The following NKAIN1 variants were observed in gnomAD, a reference collection of about 807,000 sequenced individuals.
The protein encoded by NKAIN1 is sodium/potassium-transporting ATPase subunit beta-1-interacting protein 1.
Under a neutral mutation model 31.6 loss-of-function variants are expected in NKAIN1, and 13 were observed. That is an observed-to-expected ratio of 0.41 (90% confidence interval 0.27 to 0.65). The LOEUF is 0.65. Among genes scored for constraint, NKAIN1 ranks in the 30% least tolerant of loss-of-function variants. The pLI is 0.30. For missense variants in NKAIN1, 193 were observed against 262.2 expected, an observed-to-expected ratio of 0.74 and a Z score of 1.82; for synonymous variants, 104 against 109.0, an observed-to-expected ratio of 0.95 and a Z score of 0.28.
rs199710824 is a variant in NKAIN1, at chr1:31,186,812, GGGAGCAGCAATGCT to G, written c.192+1224_192+1237del. Among the ~76,000 whole-genome samples the G allele has an allele frequency of 5.7e-3, 873 of 152,362 alleles. 4 individuals carry two copies. Among genetic ancestry groups the G allele is most frequent in the African/African-American group, 0.02 (814 of 41,584 alleles). ...GGAGAGGGCTGGGATGGGAGGGACTGGGAGCAGCAATGCTGGAGCAGCAATGCTAGGTCAGCACT... is the reference window on the plus strand; with the variant it reads ...GGAGAGGGCTGGGATGGGAGGGACTGGGAGCAGCAATGCTAGGTCAGCACT... On this transcript the variant is annotated intron_variant, in intron 2 of 6. Coordinates refer to ENST00000373736, the MANE Select transcript of NKAIN1 (RefSeq NM_024522.3).
intron 1 of NKAIN1, among the ~76,000 whole-genome samples, chr1:31,209,060 C>G (rs1645446646): frequency 6.6e-6 from 1 of 152,200 alleles, no homozygotes; most frequent in South Asian, 2.1e-4. Context: ...GACCATCCCA[C>G]TGGGCCAAGA....
intron 2 of NKAIN1, 80 bp from the exon 3 acceptor site, chr1:31,185,407 A>T (rs1265007298): frequency 8.9e-7 from 1 of 1,127,938 alleles, no homozygotes; most frequent in Non-Finnish European, 1.3e-6. Flanking sequence ...GAGCTCAGGG[A>T]TGAGGAGATC....
intron 1 of NKAIN1, among the ~76,000 whole-genome samples, chr1:31,234,460 C>T (rs772759272): frequency 7.1e-6 from 1 of 141,152 alleles, no homozygotes; most frequent in Non-Finnish European, 1.5e-5. Flanking sequence ...CCGCCCCCAC[C>T]TTCCAGAAAG....
intron 1 of NKAIN1, among the ~76,000 whole-genome samples, chr1:31,201,360 ATT>A (rs36022825): frequency 1.5e-5 from 2 of 136,164 alleles, no homozygotes; most frequent in Admixed American, 7.5e-5. Flanking sequence ...ATCCTACCCT[ATT>A]TTTTTTTTTT....
rs1645222060 is a variant in NKAIN1, at chr1:31,183,846, G to T, written c.442C>A (p.Leu148Ile). 2.5e-6 allele frequency: 4 copies of T among 1,613,914 alleles called. No individual in the cohort carries two copies. Among genetic ancestry groups the T allele is most frequent in the Non-Finnish European group, 3.4e-6 (4 of 1,179,932 alleles). ...AGGAAGATCTGCAGGGCGCTGCTGAGGGCTTCAATGTAGGGGTAGTCAAGC... is the reference window on the plus strand; with the variant it reads ...AGGAAGATCTGCAGGGCGCTGCTGATGGCTTCAATGTAGGGGTAGTCAAGC... ...CLLDYPYIEA[L>I]SSALQIFLAL... The change falls in exon 4 of 7, where the codon CTC (leucine) becomes ATC (isoleucine). Residue 148 changes from leucine (L) to isoleucine (I), a missense_variant. By Grantham distance (5) the Leu-to-Ile change is conservative. Coordinates refer to ENST00000373736, the MANE Select transcript of NKAIN1 (RefSeq NM_024522.3).
intron 1 of NKAIN1, among the ~76,000 whole-genome samples, chr1:31,202,359 C>A (rs958891421): frequency 1.6e-4 from 25 of 152,298 alleles, no homozygotes; most frequent in Non-Finnish European, 3.4e-4. Context: ...CAGGGTGCTA[C>A]CAAGGGGAAG....
At chr1:31,208,940 C>G (rs897877917) in intron 1 of NKAIN1, among the ~76,000 whole-genome samples, 2 of 152,180 alleles carry the variant, frequency 1.3e-5, no homozygotes, top group Non-Finnish European at 2.9e-5. Flanking sequence ...TAACTCCTAC[C>G]CTTCTCACCT....
At chr1:31,223,619 T>C (rs534858866) in intron 1 of NKAIN1, among the ~76,000 whole-genome samples, 26 of 152,104 alleles carry the variant, frequency 1.7e-4, no homozygotes, top group Non-Finnish European at 2.5e-4. Flanking sequence ...TAATGTTTTG[T>C]ATTTTTAGTA....
chr1:31,200,045 A>ACACACACACACACACATGCATG (rs1553162448), intron 1 of NKAIN1, among the ~76,000 whole-genome samples: 1 of 151,344 alleles, frequency 6.6e-6, no homozygotes, highest in Non-Finnish European at 1.5e-5. Context: ...ACACATGCAC[A>ACACACACACACACACATGCATG]CGTGCACACA....
chr1:31,209,843 C>T (rs959461879), intron 1 of NKAIN1, among the ~76,000 whole-genome samples: 1 of 151,594 alleles, frequency 6.6e-6, no homozygotes, highest in East Asian at 1.9e-4. Flanking sequence ...AAAAGTTAGC[C>T]AGGTGTGGTG....
At chr1:31,204,346 C>G (rs1012901515) in intron 1 of NKAIN1, among the ~76,000 whole-genome samples, 3 of 152,126 alleles carry the variant, frequency 2.0e-5, no homozygotes, top group Non-Finnish European at 4.4e-5. Context: ...GATGCTGAGG[C>G]CTTTCTTGGC....
At chr1:31,236,016 T>C (rs1002120957) in intron 1 of NKAIN1, among the ~76,000 whole-genome samples, 1 of 152,214 alleles carries the variant, frequency 6.6e-6, no homozygotes, top group Non-Finnish European at 1.5e-5. Context: ...ACTCTGTACC[T>C]GCCAGAGTGC....
chr1:31,191,464 T>C (rs1257078132), intron 1 of NKAIN1, among the ~76,000 whole-genome samples: 1 of 150,350 alleles, frequency 6.7e-6, no homozygotes, highest in Non-Finnish European at 1.5e-5. Context: ...CAGATTCAAA[T>C]TCCAGCTCTG....
At position 31,181,917 on chromosome 1, in the gene NKAIN1, G is replaced by A; in HGVS notation, c.557C>T (p.Ser186Phe). 1 of 1,607,170 alleles carries A rather than the reference G, an allele frequency of 6.2e-7. No individual in the cohort carries two copies. Among genetic ancestry groups the A allele is most frequent in the Non-Finnish European group, 8.5e-7 (1 of 1,177,606 alleles). Residue 186 changes from serine (S) to phenylalanine (F), a missense_variant, in exon 6 of 7, where the codon TCC (serine) becomes TTC (phenylalanine). Ser to Phe is a radical substitution (Grantham distance 155, BLOSUM62 -2). Coordinates refer to ENST00000373736, the MANE Select transcript of NKAIN1 (RefSeq NM_024522.3). Reference sequence around the variant, plus strand: ...CTTCTGGGGCGCCTGGTATCCGTAGGAGTCAAAGCCGCCGATGAAGTCAAC... The same window carrying A: ...CTTCTGGGGCGCCTGGTATCCGTAGAAGTCAAAGCCGCCGATGAAGTCAAC... Reference protein sequence around the residue: ...DSFDFIGGFDSYGYQAPQKTS... With the variant: ...DSFDFIGGFDFYGYQAPQKTS...
chr1:31,222,075 C>T (rs1425051779), intron 1 of NKAIN1, among the ~76,000 whole-genome samples: 1 of 152,096 alleles, frequency 6.6e-6, no homozygotes, highest in Non-Finnish European at 1.5e-5. Flanking sequence ...GACAGGGTTT[C>T]GCCATATTGG....
chr1:31,181,787 C>T (rs1187801028), intron 6 of NKAIN1, 73 bp downstream of exon 6: 2 of 1,555,762 alleles, frequency 1.3e-6, no homozygotes, highest in African/African-American at 1.4e-5. Flanking sequence ...TTGCCCTGCC[C>T]ACTCCTCCAT....
chr1:31,238,466 A>G (rs1645708405), intron 1 of NKAIN1, among the ~76,000 whole-genome samples: 1 of 152,086 alleles, frequency 6.6e-6, no homozygotes, highest in African/African-American at 2.4e-5. Context: ...CAACCTCCCT[A>G]GTTGTTCAAT....
At chr1:31,217,493 T>G (rs1163055061) in intron 1 of NKAIN1, among the ~76,000 whole-genome samples, 2 of 152,092 alleles carry the variant, frequency 1.3e-5, no homozygotes, top group Non-Finnish European at 2.9e-5. Context: ...TAGTGGCACC[T>G]CCTAGACTGA....
chr1:31,193,419 C>T (rs965053291), intron 1 of NKAIN1, among the ~76,000 whole-genome samples: 5 of 151,466 alleles, frequency 3.3e-5, no homozygotes, highest in East Asian at 3.9e-4. Flanking sequence ...AAGTCAAGGC[C>T]GGTGCAGTGG....
Sources: allele counts gnomAD v4.1 joint callset (sites outside exome capture counted in the v4.1 genomes callset), GRCh38; gene constraint gnomAD v4.1.1; transcripts MANE v1.5; gene names NCBI Gene and HGNC (gene_info 2026-07-23, HGNC 2026-07-21).